The following TUFT1 variants were observed in gnomAD, a reference collection of about 807,000 sequenced individuals.
TUFT1 encodes the protein tuftelin.
In TUFT1, 43 loss-of-function variants were observed where a neutral mutation model predicts 57.8. That is an observed-to-expected ratio of 0.74 (90% CI 0.58 to 0.96). The LOEUF is 0.96. Among genes scored for constraint, TUFT1 ranks in the 40% least tolerant of loss-of-function variants. The pLI, the probability that TUFT1 is intolerant of heterozygous loss-of-function variation, is 0.00. For missense variants in TUFT1, 459 were observed against 489.0 expected (o/e 0.94, Z 0.58); for synonymous variants, 166 against 176.7 (o/e 0.94, Z 0.48).
At chr1:151,572,821 C>T (rs958227679) in intron 7 of TUFT1, among the ~76,000 whole-genome samples, 3 of 152,192 alleles carry the variant, frequency 2.0e-5, no homozygotes, top group Non-Finnish European at 2.9e-5. Context: ...TCACCTGTGC[C>T]GTACTTTCTC....
At chr1:151,543,776 G>A (rs1665241739) in intron 1 of TUFT1, among the ~76,000 whole-genome samples, 2 of 151,930 alleles carry the variant, frequency 1.3e-5, no homozygotes, top group Non-Finnish European at 2.9e-5. Flanking sequence ...GTCCAGAGCA[G>A]GACAGGGTTC....
At chr1:151,545,801 A>C in intron 1 of TUFT1, 1 of 531,898 alleles carries the variant, frequency 1.9e-6, no homozygotes, top group Non-Finnish European at 3.9e-6. Flanking sequence ...TGAAGACCTG[A>C]GTAACCTTTG....
chr1:151,544,937 T>C (rs1665285132), intron 1 of TUFT1, among the ~76,000 whole-genome samples: 1 of 152,224 alleles, frequency 6.6e-6, no homozygotes, highest in South Asian at 2.1e-4. Context: ...ACATGCTTCC[T>C]TCCCATCCTC....
At chr1:151,572,988 G>A (rs952447778) in intron 7 of TUFT1, among the ~76,000 whole-genome samples, 2 of 152,188 alleles carry the variant, frequency 1.3e-5, no homozygotes, top group African/African-American at 4.8e-5. Context: ...TGAAATGGAT[G>A]GTGAAGTATC....
chr1:151,557,442 C>T (rs11204848), intron 1 of TUFT1: 430,199 of 1,269,342 alleles, frequency 0.34, 77,999 homozygotes, highest in East Asian at 0.65. Flanking sequence ...CTACAGCCAC[C>T]GAGATGTTGA....
chr1:151,578,719 AG>A lies in TUFT1; in HGVS notation c.820del. 6.4e-7 allele frequency: 1 copy of A among 1,558,626 alleles called. No individual in the cohort carries two copies. The highest frequency in any genetic ancestry group is 8.7e-7 in the Non-Finnish European group (1 of 1,150,136). ...CCTCAGCCTTCTGGTCTTTATCCCC[AG>A]GGCTGCTACCCTGGAAAAGGAAGTG... On this transcript the variant is annotated splice_acceptor_variant, in intron 9 of 12. Coordinates refer to ENST00000368849, the MANE Select transcript of TUFT1 (RefSeq NM_020127.3). LOFTEE classifies it high-confidence loss of function.
At chr1:151,571,908 T>A (rs1350797908) in intron 7 of TUFT1, among the ~76,000 whole-genome samples, 1 of 152,042 alleles carries the variant, frequency 6.6e-6, no homozygotes, top group Non-Finnish European at 1.5e-5. Flanking sequence ...AGGAGATGCT[T>A]CTTCTTGCTG....
chr1:151,578,747 C>G lies in TUFT1; in HGVS notation c.845C>G (p.Ala282Gly), dbSNP rs766830620. 6.3e-7 allele frequency: 1 copy of G among 1,578,232 alleles called. No homozygotes were observed. The highest frequency in any genetic ancestry group is 8.6e-7 in the Non-Finnish European group (1 of 1,160,692). ...GCTGCTACCCTGGAAAAGGAAGTGG[C>G]CGGGTTGCGGGAGAAGATCCACCAC... ...EKAATLEKEV[A>G]GLREKIHHLD... Residue 282 changes from alanine (A) to glycine (G), a missense_variant, in exon 10 of 13, where the codon GCC (alanine) becomes GGC (glycine). Physicochemically the swap from Ala to Gly is moderately conservative, Grantham distance 60. Transcript: ENST00000368849.
Position 151,552,539 on chromosome 1 carries a change from A to C in TUFT1, c.61-9552A>C, listed in dbSNP as rs200293954. On this transcript the variant is annotated intron_variant, in intron 1 of 12. Transcript: ENST00000368849. ...CCCAACATGGTGAAACCCCATCTCT[A>C]CTAAAAATACAAAAATTAGCTGGGT... 6.6e-5 allele frequency among the ~76,000 whole-genome samples: 10 copies of C among 152,138 alleles called. No homozygotes were observed. The East Asian group carries it at 9.7e-4, about 15-fold the overall frequency.
At chr1:151,541,065 C>T (rs1257170075) in intron 1 of TUFT1, among the ~76,000 whole-genome samples, 1 of 152,166 alleles carries the variant, frequency 6.6e-6, no homozygotes, top group Non-Finnish European at 1.5e-5. Context: ...TCTCCTTCTT[C>T]CCCCTTGTAG....
intron 6 of TUFT1, among the ~76,000 whole-genome samples, chr1:151,569,430 G>A (rs906346547): frequency 6.6e-6 from 1 of 152,214 alleles, no homozygotes; most frequent in African/African-American, 2.4e-5. Flanking sequence ...ATAATTGGGT[G>A]TTTTGAGGCT....
intron 1 of TUFT1, among the ~76,000 whole-genome samples, chr1:151,542,780 TC>T (rs1665208708): frequency 6.6e-6 from 1 of 152,116 alleles, no homozygotes; most frequent in Admixed American, 6.6e-5. Context: ...TTGGAGACAT[TC>T]CTGGGCCCTT....
At chr1:151,546,107 CCT>C (rs1428956098) in intron 1 of TUFT1, among the ~76,000 whole-genome samples, 1 of 141,584 alleles carries the variant, frequency 7.1e-6, no homozygotes, top group East Asian at 2.1e-4. Context: ...TTTTTTTCAT[CCT>C]CTCTCTCTTT....
intron 3 of TUFT1, among the ~76,000 whole-genome samples, chr1:151,563,167 G>A (rs1233028347): frequency 6.6e-6 from 1 of 152,144 alleles, no homozygotes; most frequent in African/African-American, 2.4e-5. Context: ...TTATAGGCGT[G>A]CACCAGCCCA....
chr1:151,544,820 A>G (rs1665281577), intron 1 of TUFT1, among the ~76,000 whole-genome samples: 2 of 152,198 alleles, frequency 1.3e-5, no homozygotes, highest in Non-Finnish European at 2.9e-5. Context: ...GTTTACCTCC[A>G]TGTTTCTAAA....
intron 5 of TUFT1, 59 bp from the exon 6 acceptor site, chr1:151,566,104 G>A (rs1666067958): frequency 8.8e-7 from 1 of 1,131,772 alleles, no homozygotes; most frequent in Non-Finnish European, 1.2e-6. Flanking sequence ...GGAGAATAAT[G>A]TTTCAAAGTT....
chr1:151,566,161 A>G lies in TUFT1; in HGVS notation c.415-2A>G. ...CTACCAATTTTATTTTTCTTTGAAC[A>G]GGTGGTGCTAGAAAAGCCAAATGGC... On this transcript the variant is annotated splice_acceptor_variant, in intron 5 of 12. Coordinates refer to ENST00000368849, the MANE Select transcript of TUFT1 (RefSeq NM_020127.3). LOFTEE classifies it high-confidence loss of function. 1 of 1,608,110 alleles carries G rather than the reference A, an allele frequency of 6.2e-7. No homozygotes were observed.
In TUFT1 at chr1:151,582,923, T is replaced by A. The variant is rs1311385322; in HGVS notation, c.*1216T>A. On this transcript the variant is annotated 3_prime_UTR_variant, in exon 13 of 13. Coordinates refer to ENST00000368849, the MANE Select transcript of TUFT1 (RefSeq NM_020127.3). ...TGAATGACCCTGCAGGTCATCATGG[T>A]TTTCTTTTTTTATTGTTTTTTTTTT... is the stretch of plus-strand genomic sequence containing the variant. 1 of 151,746 alleles carries A rather than the reference T, an allele frequency of 6.6e-6. No homozygotes were observed. The highest frequency in any genetic ancestry group is 6.6e-5 in the Admixed American group (1 of 15,246). 9.4% of individuals were successfully genotyped at this position (151,746 alleles called of 1,614,324 possible).
At chr1:151,576,583 CTTGCTGTAATGGGT>C (rs1426354869) in intron 9 of TUFT1, among the ~76,000 whole-genome samples, 1 of 152,140 alleles carries the variant, frequency 6.6e-6, no homozygotes, top group Non-Finnish European at 1.5e-5. Flanking sequence ...GGTTTGTTAA[CTTGCTGTAATGGGT>C]TTGCTGTCAT....
Sources: allele counts gnomAD v4.1 joint callset (sites outside exome capture counted in the v4.1 genomes callset), GRCh38; gene constraint gnomAD v4.1.1; transcripts MANE v1.5; gene names NCBI Gene and HGNC (gene_info 2026-07-23, HGNC 2026-07-21).